The following RBFOX1 variants were observed in gnomAD, a reference collection of about 807,000 sequenced individuals.
RBFOX1 encodes RNA binding protein fox-1 homolog 1.
Under a neutral mutation model 57.7 loss-of-function variants are expected in RBFOX1, and 8 were observed. The ratio of observed to expected loss-of-function variants is 0.14; its 90% CI spans 0.08 to 0.25. RBFOX1 has a LOEUF of 0.25. Ranked by LOEUF, RBFOX1 falls within the 10% of genes least tolerant of loss-of-function variation. The pLI is 1.00. For missense variants in RBFOX1, 611 were observed against 548.5 expected (o/e 1.11, Z -1.14); for synonymous variants, 326 against 222.4 (o/e 1.47, Z -4.15).
At chr16:5,930,220 T>TGGAC (rs1046077023) in intron 4 of RBFOX1, among the ~76,000 whole-genome samples, 1 of 127,050 alleles carries the variant, frequency 7.9e-6, no homozygotes, top group African/African-American at 3.1e-5. Flanking sequence ...GATGGATGGA[T>TGGAC]GGATGGATGG....
intron 4 of RBFOX1, among the ~76,000 whole-genome samples, chr16:5,950,106 A>T (rs2059490208): frequency 6.6e-6 from 1 of 152,234 alleles, no homozygotes. Context: ...AGTCTTCTGC[A>T]ATGTAGAGAC....
intron 3 of RBFOX1, among the ~76,000 whole-genome samples, chr16:7,003,819 C>T (rs1177938135): frequency 6.6e-6 from 1 of 152,064 alleles, no homozygotes; most frequent in Non-Finnish European, 1.5e-5. Flanking sequence ...AATTCCTTGT[C>T]CAGGTTCTAC....
chr16:7,621,966 A>C (rs2059383357), intron 10 of RBFOX1, among the ~76,000 whole-genome samples: 3 of 152,214 alleles, frequency 2.0e-5, no homozygotes, highest in Non-Finnish European at 4.4e-5. Context: ...TACTTATTAG[A>C]TACTGAAACT....
chr16:7,690,592 A>G (rs1409500788), intron 14 of RBFOX1, among the ~76,000 whole-genome samples: 2 of 152,102 alleles, frequency 1.3e-5, no homozygotes, highest in Admixed American at 1.3e-4. Flanking sequence ...GCATAAGGAG[A>G]CAGACCCTGG....
At chr16:5,914,942 G>A (rs1232201894) in intron 4 of RBFOX1, among the ~76,000 whole-genome samples, 1 of 152,078 alleles carries the variant, frequency 6.6e-6, no homozygotes, top group Non-Finnish European at 1.5e-5. Flanking sequence ...CTATGACAAA[G>A]GGTTCACCAG....
At chr16:5,381,707 T>G (rs1056434763) in intron 1 of RBFOX1, among the ~76,000 whole-genome samples, 5 of 152,188 alleles carry the variant, frequency 3.3e-5, no homozygotes, top group Non-Finnish European at 5.9e-5. Context: ...AAGAGCCTGT[T>G]GAATGGAAGT....
intron 4 of RBFOX1, among the ~76,000 whole-genome samples, chr16:7,316,484 G>C (rs1012300052): frequency 2.7e-4 from 41 of 152,286 alleles, no homozygotes; most frequent in African/African-American, 9.1e-4. Flanking sequence ...CATTCATGCA[G>C]CACATCCTTA....
chr16:5,655,556 G>T (rs764658380), intron 3 of RBFOX1, among the ~76,000 whole-genome samples: 7 of 152,192 alleles, frequency 4.6e-5, no homozygotes, highest in Non-Finnish European at 8.8e-5. Flanking sequence ...TTTCAAAGTG[G>T]GTTCTGCTAC....
chr16:6,844,157 C>T (rs1054464836), intron 3 of RBFOX1, among the ~76,000 whole-genome samples: 1 of 151,710 alleles, frequency 6.6e-6, no homozygotes, highest in Non-Finnish European at 1.5e-5. Flanking sequence ...CCCCTACAGG[C>T]CAGTCCCCTT....
chr16:6,081,005 T>C (rs1033832830), intron 1 of RBFOX1, among the ~76,000 whole-genome samples: 1 of 152,232 alleles, frequency 6.6e-6, no homozygotes, highest in African/African-American at 2.4e-5. Context: ...GCTTGAAGCC[T>C]CCTGAGAGGG....
chr16:5,842,552 C>G (rs143441368), intron 3 of RBFOX1, among the ~76,000 whole-genome samples: 2 of 152,182 alleles, frequency 1.3e-5, no homozygotes, highest in Non-Finnish European at 2.9e-5. Flanking sequence ...ATTCATTTAT[C>G]CATTTTTAAA....
chr16:7,080,059 T>TTATATATATATACATA (rs201835325), intron 4 of RBFOX1, among the ~76,000 whole-genome samples: 17 of 135,244 alleles, frequency 1.3e-4, no homozygotes, highest in African/African-American at 4.6e-4. Context: ...TATATACATA[T>TTATATATATATACATA]TATATATATA....
intron 2 of RBFOX1, among the ~76,000 whole-genome samples, chr16:5,468,567 G>A (rs189954699): frequency 6.6e-6 from 1 of 152,264 alleles, no homozygotes; most frequent in Non-Finnish European, 1.5e-5. Context: ...ACCCCAAATT[G>A]CTGAGAACAG....
At chr16:7,248,290 C>T (rs1193163740) in intron 4 of RBFOX1, among the ~76,000 whole-genome samples, 4 of 152,190 alleles carry the variant, frequency 2.6e-5, no homozygotes, top group African/African-American at 9.7e-5. Flanking sequence ...GCTGCCTTTC[C>T]TACCTACTGC....
chr16:5,390,393 A>C lies in RBFOX1; in HGVS notation c.220-76823A>C, dbSNP rs182221807. Among the ~76,000 whole-genome samples the C allele has an allele frequency of 2.5e-3, 382 of 150,014 alleles. 1 individual carries two copies. The highest frequency in any genetic ancestry group is 5.7e-3 in the Admixed American group (85 of 14,956). On this transcript the variant is annotated intron_variant, in intron 1 of 2. Coordinates refer to the RBFOX1 transcript ENST00000585867. ...AACCTGTGCCTCCTGGGTTCAAGCG[A>C]TTCTCCTGCCTCAGCCTCCTGAGTA...
intron 1 of RBFOX1, among the ~76,000 whole-genome samples, chr16:6,030,566 C>T (rs915016329): frequency 3.9e-5 from 6 of 152,060 alleles, no homozygotes; most frequent in African/African-American, 7.2e-5. Context: ...CTAATGTGAA[C>T]ATATTCAAAT....
intron 4 of RBFOX1, among the ~76,000 whole-genome samples, chr16:7,186,311 TATATAA>T (rs1255838309): frequency 1.2e-4 from 11 of 89,862 alleles, no homozygotes; most frequent in Non-Finnish European, 1.6e-4. Context: ...TAAACATATT[TATATAA>T]ATATAAACAT....
At chr16:5,457,267 T>C (rs994923806) in intron 1 of RBFOX1, among the ~76,000 whole-genome samples, 2 of 152,152 alleles carry the variant, frequency 1.3e-5, no homozygotes, top group Non-Finnish European at 2.9e-5. Flanking sequence ...CCCAAGTAAC[T>C]GGGACTATAG....
At chr16:5,279,587 C>T (rs183681851) in intron 1 of RBFOX1, among the ~76,000 whole-genome samples, 121 of 152,218 alleles carry the variant, frequency 7.9e-4, no homozygotes, top group Middle Eastern at 6.8e-3. Context: ...CTGCAACCTC[C>T]GCCTCTCGGG....
Sources: allele counts gnomAD v4.1 joint callset (sites outside exome capture counted in the v4.1 genomes callset), GRCh38; gene constraint gnomAD v4.1.1; transcripts MANE v1.5; gene names NCBI Gene and HGNC (gene_info 2026-07-23, HGNC 2026-07-21).